The following MYMX variants were observed in gnomAD, a reference collection of about 807,000 sequenced individuals.
MYMX encodes the protein protein myomixer.
intron 1 of MYMX, 82 bp from the exon 2 acceptor site, chr6:44,217,368 G>A (rs1775936839): frequency 7.5e-6 from 3 of 397,872 alleles, no homozygotes; most frequent in Non-Finnish European, 1.3e-5. Context: ...TGAAGGGAGG[G>A]GGAACTCCTG....
the MYMX span, among the ~76,000 whole-genome samples, chr6:44,211,785 G>GTT: frequency 7.1e-4 from 29 of 40,706 alleles, no homozygotes; most frequent in African/African-American, 2.0e-3. Context: ...GTCCAGCTAG[G>GTT]TTTTGTGTGT....
At chr6:44,211,903 C>A in the MYMX span, among the ~76,000 whole-genome samples, 22,775 of 151,480 alleles carry the variant, frequency 0.15, 2,190 homozygotes, top group East Asian at 0.25. Context: ...CCTCCTCCCC[C>A]CAAAGTACTG....
upstream of MYMX, among the ~76,000 whole-genome samples, chr6:44,216,150 C>G (rs1336787029): frequency 1.3e-5 from 2 of 152,200 alleles, no homozygotes; most frequent in Non-Finnish European, 2.9e-5. Flanking sequence ...TGCTTGGGTC[C>G]TAGTCTCCCT....
chr6:44,213,249 G>A (rs181196775), upstream of MYMX, among the ~76,000 whole-genome samples: 1,139 of 151,734 alleles, frequency 7.5e-3, 59 homozygotes, highest in Admixed American at 0.071. Flanking sequence ...AGCTGGGCGT[G>A]GTGGCGCATG....
chr6:44,217,663 C>T lies in MYMX; in HGVS notation c.192C>T (p.Asp64=), dbSNP rs773047671. 35 of 400,874 alleles carry T rather than the reference C, an allele frequency of 8.7e-5. No homozygotes were observed. The highest frequency in any genetic ancestry group is 3.1e-4 in the Middle Eastern group (1 of 3,244). 24.8% of individuals were successfully genotyped at this position (400,874 alleles called of 1,614,324 possible). Residue 64 remains aspartate (D), a synonymous_variant, in exon 2 of 2, where the codon GAC becomes GAT. Transcript: ENST00000573382. The part of the protein sequence containing the change: ...LFILSQRHSP[D]AGEASRVDRL... ...TTCTCAGCCAGCGACACTCGCCAGA[C>T]GCTGGGGAGGCCTCAAGAGTGGACC...
At chr6:44,216,671 AAGAAG>A (rs1256495863), upstream of MYMX, among the ~76,000 whole-genome samples, 11 of 128,580 alleles carry the variant, frequency 8.6e-5, no homozygotes, top group Non-Finnish European at 1.5e-4. Flanking sequence ...AAAAAAAAAA[AAGAAG>A]AAGAGAAAGA....
the MYMX span, among the ~76,000 whole-genome samples, chr6:44,202,894 C>G: frequency 1.3e-5 from 2 of 152,220 alleles, no homozygotes; most frequent in African/African-American, 4.8e-5. Flanking sequence ...CCTGCCTCAT[C>G]ATCCCAGGCC....
the MYMX span, among the ~76,000 whole-genome samples, chr6:44,197,834 G>A: frequency 9.9e-5 from 15 of 152,208 alleles, no homozygotes; most frequent in South Asian, 2.9e-3. Context: ...TGATCCTCCT[G>A]CATCACCCTC....
chr6:44,215,623 T>C (rs57697699), upstream of MYMX, among the ~76,000 whole-genome samples: 6,017 of 137,572 alleles, frequency 0.044, 392 homozygotes, highest in African/African-American at 0.15. Context: ...GGCTGGGCGT[T>C]GTGGCTCACG....
At chr6:44,204,269 C>T in the MYMX span, among the ~76,000 whole-genome samples, 1 of 152,114 alleles carries the variant, frequency 6.6e-6, no homozygotes, top group Non-Finnish European at 1.5e-5. Context: ...GGCAGGGCAG[C>T]TGGAGGTGGG....
intron 1 of MYMX, 91 bp from the exon 2 acceptor site, chr6:44,217,359 G>A (rs1775935403): frequency 2.5e-6 from 1 of 397,746 alleles, no homozygotes; most frequent in South Asian, 1.4e-4. Context: ...GGTGTAAACT[G>A]AAGGGAGGGG....
upstream of MYMX, among the ~76,000 whole-genome samples, chr6:44,216,056 C>CACCCAGCTGTGTCCAGCTGT (rs1775845375): frequency 6.6e-6 from 1 of 152,188 alleles, no homozygotes; most frequent in Non-Finnish European, 1.5e-5. Flanking sequence ...GGGGGAATGC[C>CACCCAGCTGTGTCCAGCTGT]ACCCAGCTGT....
the MYMX span, among the ~76,000 whole-genome samples, chr6:44,199,458 A>C: frequency 6.6e-6 from 1 of 151,860 alleles, no homozygotes; most frequent in Non-Finnish European, 1.5e-5. Flanking sequence ...TCGGCCTCCC[A>C]AAGTGCTGGG....
the MYMX span, among the ~76,000 whole-genome samples, chr6:44,197,217 C>T: frequency 6.6e-6 from 1 of 151,804 alleles, no homozygotes; most frequent in South Asian, 2.1e-4. Context: ...GCCTGGGGGA[C>T]AGAGCAAGAC....
At chr6:44,196,405 G>T in the MYMX span, among the ~76,000 whole-genome samples, 489 of 152,332 alleles carry the variant, frequency 3.2e-3, 3 homozygotes, top group African/African-American at 0.011. Context: ...TAGGCTGGGA[G>T]CAGTGGCTCA....
the MYMX span, among the ~76,000 whole-genome samples, chr6:44,207,100 C>A: frequency 4.6e-5 from 7 of 152,180 alleles, no homozygotes; most frequent in African/African-American, 7.2e-5. Flanking sequence ...TCCCACATTC[C>A]TTGGCAAACC....
the MYMX span, among the ~76,000 whole-genome samples, chr6:44,205,593 G>A: frequency 1.3e-5 from 2 of 151,964 alleles, no homozygotes; most frequent in South Asian, 2.1e-4. Flanking sequence ...GGTGGATCAC[G>A]AGGTCAGGAG....
chr6:44,202,757 A>G, the MYMX span, among the ~76,000 whole-genome samples: 1 of 152,122 alleles, frequency 6.6e-6, no homozygotes, highest in Non-Finnish European at 1.5e-5. Flanking sequence ...AGGAAGAGTC[A>G]GGGGTTAGAG....
At chr6:44,208,722 G>A in the MYMX span, among the ~76,000 whole-genome samples, 5 of 152,184 alleles carry the variant, frequency 3.3e-5, no homozygotes, top group African/African-American at 9.7e-5. Flanking sequence ...GAAGCACCTA[G>A]GGTGAGTGGC....
Sources: gnomAD v4.1 joint callset for allele counts (sites outside exome capture counted in the v4.1 genomes callset) on GRCh38, gnomAD v4.1.1 for gene constraint, MANE v1.5 for transcripts, NCBI Gene and HGNC (gene_info 2026-07-23, HGNC 2026-07-21) for gene names.